Variants in CTNNA2 observed in about 807,000 individuals in gnomAD.
CTNNA2 encodes the protein catenin alpha 2.
In CTNNA2, 42 loss-of-function variants were observed where a neutral mutation model predicts 101.0. The ratio of observed to expected loss-of-function variants is 0.42; its 90% CI spans 0.32 to 0.54. CTNNA2 has a LOEUF of 0.54. CTNNA2 is among the 20% of genes least tolerant of loss of function. The pLI, the probability that CTNNA2 is intolerant of heterozygous loss-of-function variation, is 0.14. For missense variants in CTNNA2, 871 were observed against 1,223.1 expected (o/e 0.71, Z 4.29); for synonymous variants, 450 against 456.4 (o/e 0.99, Z 0.18).
chr2:79,765,201 C>T (rs1412150638), intron 3 of CTNNA2, among the ~76,000 whole-genome samples: 4 of 152,142 alleles, frequency 2.6e-5, no homozygotes, highest in Admixed American at 1.3e-4. Context: ...AGTATTTTTT[C>T]CAGTGCTTAT....
intron 1 of CTNNA2, among the ~76,000 whole-genome samples, chr2:79,564,344 C>T (rs1417999941): frequency 1.3e-5 from 2 of 150,872 alleles, no homozygotes. Flanking sequence ...AACTCAGGTC[C>T]TAACTCTGTG....
At chr2:80,273,644 C>T (rs1362192070) in intron 7 of CTNNA2, among the ~76,000 whole-genome samples, 1 of 152,064 alleles carries the variant, frequency 6.6e-6, no homozygotes, top group East Asian at 1.9e-4. Flanking sequence ...CTTCTCCTGC[C>T]ACACTGGCCC....
At chr2:80,074,028 G>C (rs972254831) in intron 7 of CTNNA2, among the ~76,000 whole-genome samples, 4 of 152,060 alleles carry the variant, frequency 2.6e-5, no homozygotes, top group Admixed American at 1.3e-4. Context: ...ACCTGTTTTG[G>C]ATTCTTGGCT....
At chr2:80,020,171 C>T (rs776151065) in intron 7 of CTNNA2, among the ~76,000 whole-genome samples, 3 of 152,146 alleles carry the variant, frequency 2.0e-5, no homozygotes, top group African/African-American at 2.4e-5. Flanking sequence ...TTTTCATTTG[C>T]GGTATTGTAC....
chr2:79,359,341 G>A (rs1043867034), intron 3 of CTNNA2, among the ~76,000 whole-genome samples: 2 of 152,094 alleles, frequency 1.3e-5, no homozygotes, highest in South Asian at 2.1e-4. Flanking sequence ...TTCTCTCTAG[G>A]TAGTTTCATC....
At chr2:80,458,454 T>A (rs1684163382) in intron 9 of CTNNA2, among the ~76,000 whole-genome samples, 1 of 152,170 alleles carries the variant, frequency 6.6e-6, no homozygotes, top group African/African-American at 2.4e-5. Context: ...AAATAACAAA[T>A]TAAGATTCCC....
chr2:80,360,625 A>G (rs564573140), intron 7 of CTNNA2, among the ~76,000 whole-genome samples: 1 of 152,144 alleles, frequency 6.6e-6, no homozygotes, highest in Non-Finnish European at 1.5e-5. Context: ...AGGGTACTCT[A>G]TGATTAGTCC....
At chr2:79,607,779 AGG>A (rs1677990289) in intron 1 of CTNNA2, among the ~76,000 whole-genome samples, 1 of 152,148 alleles carries the variant, frequency 6.6e-6, no homozygotes, top group Non-Finnish European at 1.5e-5. Context: ...TGCACTTAGA[AGG>A]GCAACTCAGC....
At chr2:79,513,615 AAACAG>A (rs1167344365) in intron 1 of CTNNA2, among the ~76,000 whole-genome samples, 1 of 152,064 alleles carries the variant, frequency 6.6e-6, no homozygotes, top group African/African-American at 2.4e-5. Flanking sequence ...ACACACTCTT[AAACAG>A]CGGGTGCCCT....
At chr2:79,811,053 T>C (rs1371582042) in intron 3 of CTNNA2, among the ~76,000 whole-genome samples, 1 of 151,022 alleles carries the variant, frequency 6.6e-6, no homozygotes. Context: ...AGTAATGGGA[T>C]GGCTGGGTCA....
chr2:79,416,424 C>A (rs1005695005), intron 4 of CTNNA2, among the ~76,000 whole-genome samples: 3 of 151,948 alleles, frequency 2.0e-5, no homozygotes, highest in Non-Finnish European at 2.9e-5. Flanking sequence ...AAGGCTATTG[C>A]TTACAATGAA....
At chr2:79,950,485 T>C (rs17018292) in intron 7 of CTNNA2, among the ~76,000 whole-genome samples, 2,485 of 152,340 alleles carry the variant, frequency 0.016, 74 homozygotes, top group African/African-American at 0.057. Flanking sequence ...TCGCTGTGTA[T>C]TGAAAGAACA....
intron 7 of CTNNA2, among the ~76,000 whole-genome samples, chr2:80,201,002 T>C (rs1707170715): frequency 6.6e-6 from 1 of 152,140 alleles, no homozygotes; most frequent in South Asian, 2.1e-4. Flanking sequence ...AATTCCCTGA[T>C]ATAAAATGGC....
chr2:80,012,335 C>T (rs1303932033), intron 7 of CTNNA2, among the ~76,000 whole-genome samples: 1 of 152,092 alleles, frequency 6.6e-6, no homozygotes, highest in Non-Finnish European at 1.5e-5. Context: ...AGATAATGGT[C>T]CATGAGAGGC....
chr2:80,124,299 C>G (rs1450305225), intron 7 of CTNNA2, among the ~76,000 whole-genome samples: 2 of 152,078 alleles, frequency 1.3e-5, no homozygotes, highest in Admixed American at 1.3e-4. Flanking sequence ...GCCCAGGTGC[C>G]ATCTTTGACT....
At chr2:79,698,450 G>A (rs1684785007) in intron 2 of CTNNA2, among the ~76,000 whole-genome samples, 1 of 151,742 alleles carries the variant, frequency 6.6e-6, no homozygotes, top group Non-Finnish European at 1.5e-5. Context: ...ATTTGAAATA[G>A]TGACACAGTG....
intron 7 of CTNNA2, among the ~76,000 whole-genome samples, chr2:80,358,446 G>A (rs970074252): frequency 6.6e-6 from 1 of 150,646 alleles, no homozygotes; most frequent in Non-Finnish European, 1.5e-5. Flanking sequence ...TGCCTCCCAG[G>A]TTCAAGCAAT....
At chr2:80,074,225 A>C (rs1698536968) in intron 7 of CTNNA2, among the ~76,000 whole-genome samples, 1 of 152,106 alleles carries the variant, frequency 6.6e-6, no homozygotes, top group Admixed American at 6.5e-5. Context: ...AACTGTGCTC[A>C]TCAAATAAGC....
intron 8 of CTNNA2, among the ~76,000 whole-genome samples, chr2:80,408,329 C>T (rs966267276): frequency 2.0e-5 from 3 of 152,172 alleles, no homozygotes; most frequent in Non-Finnish European, 4.4e-5. Context: ...GGATGGACCC[C>T]ATTAGAAAGA....
Sources: allele counts gnomAD v4.1 joint callset (sites outside exome capture counted in the v4.1 genomes callset), GRCh38; gene constraint gnomAD v4.1.1; transcripts MANE v1.5; gene names NCBI Gene and HGNC (gene_info 2026-07-23, HGNC 2026-07-21).